The following GALNT6 variants were observed in gnomAD, a reference collection of about 807,000 sequenced individuals.
GALNT6 encodes the protein polypeptide N-acetylgalactosaminyltransferase 6, also known as GalNAc transferase 6.
GALNT6 carries 51 observed loss-of-function variants against 65.9 expected under a neutral mutation model. The ratio of observed to expected loss-of-function variants is 0.77; its 90% CI spans 0.62 to 0.98. The LOEUF (loss-of-function observed/expected upper bound fraction) is 0.98. Among genes scored for constraint, GALNT6 ranks in the 50% least tolerant of loss-of-function variants. GALNT6 has a pLI of 0.00. For synonymous variants in GALNT6, 323 were observed against 315.1 expected (o/e 1.02, Z -0.26); for missense variants, 708 against 803.3 (o/e 0.88, Z 1.43).
intron 11 of GALNT6, 40 bp downstream of exon 11, chr12:51,355,766 C>A: frequency 1.2e-6 from 2 of 1,602,136 alleles, no homozygotes; most frequent in Non-Finnish European, 1.7e-6. Flanking sequence ...CACACCTGGC[C>A]TCAAGTTCTT....
At chr12:51,359,511 C>T (rs1946854286) in intron 7 of GALNT6, 179 bp from the exon 8 acceptor site, 19 of 505,670 alleles carry the variant, frequency 3.8e-5, no homozygotes, top group Non-Finnish European at 4.2e-5. Flanking sequence ...CATGACTACA[C>T]GATCCCAGGC....
intron 4 of GALNT6, among the ~76,000 whole-genome samples, chr12:51,375,881 GA>G (rs1283640552): frequency 6.6e-6 from 1 of 151,342 alleles, no homozygotes; most frequent in Non-Finnish European, 1.5e-5. Flanking sequence ...GTTTTTTTGA[GA>G]AGGAGTCTCA....
chr12:51,381,170 G>A (rs1046284420), intron 2 of GALNT6, among the ~76,000 whole-genome samples: 1 of 152,232 alleles, frequency 6.6e-6, no homozygotes, highest in Non-Finnish European at 1.5e-5. Flanking sequence ...AGCCCAGGAG[G>A]TTAAGGCTGC....
At chr12:51,377,431 C>T (rs1022581152) in intron 3 of GALNT6, 64 bp from the exon 4 acceptor site, 5 of 1,444,978 alleles carry the variant, frequency 3.5e-6, no homozygotes, top group Non-Finnish European at 4.8e-6. Context: ...GTGGGGAGGG[C>T]CCCATCCAGA....
At chr12:51,391,468 C>G (rs1235194339), upstream of GALNT6, 3 of 156,390 alleles carry the variant, frequency 1.9e-5, no homozygotes, top group African/African-American at 7.2e-5. Context: ...GAGGAAGAGG[C>G]GAAGGCTGGC....
intron 2 of GALNT6, among the ~76,000 whole-genome samples, chr12:51,383,089 G>A (rs1378052393): frequency 6.6e-6 from 1 of 152,180 alleles, no homozygotes; most frequent in Non-Finnish European, 1.5e-5. Flanking sequence ...AAGCAGAATA[G>A]CACAGACAGT....
intron 3 of GALNT6, 64 bp from the exon 4 acceptor site, chr12:51,377,431 C>A (rs1022581152): frequency 6.2e-6 from 9 of 1,444,980 alleles, no homozygotes; most frequent in South Asian, 4.8e-5. Flanking sequence ...GTGGGGAGGG[C>A]CCCATCCAGA....
At chr12:51,358,894 TC>T (rs963375023) in intron 8 of GALNT6, among the ~76,000 whole-genome samples, 24 of 152,074 alleles carry the variant, frequency 1.6e-4, no homozygotes, top group Admixed American at 9.8e-4. Context: ...AAATCTCCTT[TC>T]CCTCCCTTCC....
intron 7 of GALNT6, 121 bp from the exon 8 acceptor site, chr12:51,359,453 GCT>G: frequency 1.6e-6 from 1 of 643,164 alleles, no homozygotes; most frequent in Non-Finnish European, 2.7e-6. Context: ...GGCAAATGCT[GCT>G]CTCTCTCCCT....
At position 51,377,335 on chromosome 12, in the gene GALNT6, G is replaced by A. The variant is rs61734314; in HGVS notation, c.524C>T (p.Pro175Leu). 6 of 1,612,564 alleles carry A rather than the reference G, an allele frequency of 3.7e-6. No individual in the cohort carries two copies. The highest frequency in any genetic ancestry group is 5.1e-6 in the Non-Finnish European group (6 of 1,179,888). ...CVDQKFRRCP[P>L]LATTSVIIVF... is the part of the protein sequence containing the mutation. Reference sequence around the variant, plus strand: ...AATGATCACGCTGGTGGTGGCCAGTGGGGGGCAGCGCCGGAACTTCTGGTC... The same window carrying A: ...AATGATCACGCTGGTGGTGGCCAGTAGGGGGCAGCGCCGGAACTTCTGGTC... Residue 175 changes from proline to leucine, a missense_variant, in exon 4 of 12, where the codon CCA (proline) becomes CTA (leucine). Coordinates refer to ENST00000356317, the MANE Select transcript of GALNT6 (RefSeq NM_007210.4).
At chr12:51,358,774 C>T (rs1053345717) in intron 8 of GALNT6, among the ~76,000 whole-genome samples, 6 of 152,182 alleles carry the variant, frequency 3.9e-5, no homozygotes, top group African/African-American at 1.4e-4. Flanking sequence ...CCCTGCTTAT[C>T]GGTCCATCTC....
chr12:51,360,757 C>A lies in GALNT6; in HGVS notation c.1131G>T (p.Glu377Asp). Residue 377 changes from glutamate (E) to aspartate (D), a missense_variant, in exon 7 of 12, where the codon GAG (glutamate) becomes GAT (aspartate). By Grantham distance (45) the Glu-to-Asp change is conservative (BLOSUM62 2). Coordinates refer to ENST00000356317, the MANE Select transcript of GALNT6 (RefSeq NM_007210.4). ...TTTCCACGTTCTCCCCTCCCCAGAT[C>A]TCCATCTGATTATCATAGGTACCGA... is the stretch of plus-strand genomic sequence containing the variant. ...EHIGTYDNQM[E>D]IWGGENVEMS... 1 of 1,612,836 alleles carries A rather than the reference C, an allele frequency of 6.2e-7. No individual in the cohort carries two copies. The highest frequency in any genetic ancestry group is 8.5e-7 in the Non-Finnish European group (1 of 1,178,864).
In GALNT6 at chr12:51,354,277, A is replaced by G. The variant is rs1284006536; in HGVS notation, c.*102T>C. The G allele has an allele frequency of 1.6e-6, 1 of 643,872 alleles. No homozygotes were observed. The highest frequency in any genetic ancestry group is 2.6e-6 in the Non-Finnish European group (1 of 386,472). The allele number at this position is 643,872 out of a possible 1,614,324, so 39.9% of individuals were successfully genotyped here. ...TGCCACCCAGTGGGTTTAGAAATCCATCTTTACGGCCTCCAGAGAAGCTGG... is the reference window on the plus strand; with the variant it reads ...TGCCACCCAGTGGGTTTAGAAATCCGTCTTTACGGCCTCCAGAGAAGCTGG... On this transcript the variant is annotated 3_prime_UTR_variant, in exon 12 of 12. Transcript: ENST00000356317.
chr12:51,368,139 A>T (rs553612677), intron 4 of GALNT6, among the ~76,000 whole-genome samples: 73 of 147,166 alleles, frequency 5.0e-4, no homozygotes, highest in African/African-American at 1.4e-3. Flanking sequence ...TTTTTTTTTT[A>T]AATTTTTTTA....
intron 5 of GALNT6, among the ~76,000 whole-genome samples, chr12:51,365,113 C>T (rs535821196): frequency 6.6e-6 from 1 of 152,290 alleles, no homozygotes; most frequent in East Asian, 1.9e-4. Flanking sequence ...TAGCAGGAGG[C>T]CTCTCTGAGG....
chr12:51,366,213 C>T (rs1467961120), intron 4 of GALNT6, among the ~76,000 whole-genome samples: 20 of 152,214 alleles, frequency 1.3e-4, no homozygotes, highest in African/African-American at 4.1e-4. Context: ...CCACCACGCC[C>T]GGCCCAAGTA....
At chr12:51,378,976 G>C (rs1947563173) in intron 3 of GALNT6, among the ~76,000 whole-genome samples, 1 of 151,300 alleles carries the variant, frequency 6.6e-6, no homozygotes, top group Admixed American at 6.6e-5. Context: ...CTTGGTATCA[G>C]GTCTCCCCAG....
chr12:51,356,160 ATGTGTGTGTGTATATATATATG>A (rs1352304275), intron 10 of GALNT6, among the ~76,000 whole-genome samples: 2 of 150,800 alleles, frequency 1.3e-5, no homozygotes, highest in East Asian at 3.9e-4. Context: ...ATATATATAT[ATGTGTGTGTGTATATATATATG>A]TGTGTATATA....
chr12:51,359,034 G>A (rs1255802127), intron 8 of GALNT6, 98 bp downstream of exon 8: 1 of 924,458 alleles, frequency 1.1e-6, no homozygotes, highest in Non-Finnish European at 1.7e-6. Flanking sequence ...GCGCCAGATG[G>A]TAGAGATGAG....
Sources: allele counts gnomAD v4.1 joint callset (sites outside exome capture counted in the v4.1 genomes callset), GRCh38; gene constraint gnomAD v4.1.1; transcripts MANE v1.5; gene names NCBI Gene and HGNC (gene_info 2026-07-23, HGNC 2026-07-21).